The following CKAP5 variants were observed in gnomAD, a reference collection of about 807,000 sequenced individuals.
The protein encoded by CKAP5 is cytoskeleton associated protein 5.
CKAP5 carries 27 observed loss-of-function variants against 232.8 expected under a neutral mutation model. The ratio of observed to expected loss-of-function variants is 0.12; its 90% CI spans 0.09 to 0.16. CKAP5 has a LOEUF of 0.16. Among genes scored for constraint, CKAP5 ranks in the 10% least tolerant of loss-of-function variants. The pLI is 1.00. For synonymous variants in CKAP5, 785 were observed against 841.1 expected, an observed-to-expected ratio of 0.93 and a Z score of 1.16; for missense variants, 1,838 against 2,424.7, an observed-to-expected ratio of 0.76 and a Z score of 5.08.
intron 16 of CKAP5, among the ~76,000 whole-genome samples, chr11:46,788,331 T>C (rs1286265024): frequency 2.0e-5 from 3 of 152,240 alleles, no homozygotes; most frequent in Admixed American, 6.5e-5. Flanking sequence ...TCCCAGCATT[T>C]TGGGAGGCCA....
At chr11:46,751,281 T>C in intron 39 of CKAP5, 26 bp from the exon 40 acceptor site, 2 of 1,614,182 alleles carry the variant, frequency 1.2e-6, no homozygotes, top group Non-Finnish European at 1.7e-6. Context: ...GCATGACTGA[T>C]AGCACTGCCA....
intron 3 of CKAP5, among the ~76,000 whole-genome samples, 190 bp from the exon 4 acceptor site, chr11:46,816,594 G>A (rs917546392): frequency 6.6e-6 from 1 of 151,910 alleles, no homozygotes; most frequent in African/African-American, 2.4e-5. Flanking sequence ...ACATGTCATA[G>A]CAGGCATAGT....
At position 46,829,838 on chromosome 11, in the gene CKAP5, A is replaced by ATGTG. The variant is rs57602333; in HGVS notation, c.-37-8574_-37-8571dup. ...ATATGAAGTCTAATTCCTTTTTTGT[A>ATGTG]TGTGTGTGTGTGTGTGTGTGTGTGT... On this transcript the variant is annotated intron_variant, in intron 1 of 43. Coordinates refer to ENST00000529230, the MANE Select transcript of CKAP5 (RefSeq NM_001008938.4). Among the ~76,000 whole-genome samples, 792 of 143,114 alleles carry ATGTG rather than the reference A, an allele frequency of 5.5e-3. 5 individuals carry two copies. The highest frequency in any genetic ancestry group is 0.018 in the East Asian group (82 of 4,628). The allele number at this position is 143,114 out of a possible 152,430, so 93.9% of individuals were successfully genotyped here.
intron 24 of CKAP5, among the ~76,000 whole-genome samples, chr11:46,774,092 C>T (rs1200657788): frequency 6.6e-6 from 1 of 152,164 alleles, no homozygotes. Flanking sequence ...TCTCTGTTTA[C>T]AGATGAACAT....
chr11:46,831,886 A>T (rs1939802266), intron 1 of CKAP5, among the ~76,000 whole-genome samples: 1 of 125,240 alleles, frequency 8.0e-6, no homozygotes, highest in African/African-American at 3.1e-5. Context: ...TTTTTCTGAG[A>T]CAGGGTCTTG....
rs1200050358 is a variant in CKAP5, at chr11:46,779,081, AAAAC to A, written c.2434-486_2434-483del. 3.9e-5 allele frequency among the ~76,000 whole-genome samples: 6 copies of A among 152,190 alleles called. No individual in the cohort carries two copies. The East Asian group carries it at 5.8e-4, about 15-fold the overall frequency. On this transcript the variant is annotated intron_variant, in intron 20 of 43. Coordinates refer to ENST00000529230, the MANE Select transcript of CKAP5 (RefSeq NM_001008938.4). ...GGCAACAAGAGTGAAACTCCACCTC[AAAAC>A]AAACAAACAAACAAAACAACCCAAA...
intron 13 of CKAP5, among the ~76,000 whole-genome samples, chr11:46,794,670 T>TA: frequency 1.3e-5 from 2 of 151,660 alleles, no homozygotes; most frequent in East Asian, 1.9e-4. Flanking sequence ...AGGCCCTCTA[T>TA]AAAAAATTTT....
At chr11:46,820,121 A>G (rs1592480889) in intron 2 of CKAP5, among the ~76,000 whole-genome samples, 1 of 152,188 alleles carries the variant, frequency 6.6e-6, no homozygotes, top group Admixed American at 6.5e-5. Flanking sequence ...AGAATATACA[A>G]TATCTACCAA....
At chr11:46,746,326 C>T (rs1303809046) in intron 42 of CKAP5, among the ~76,000 whole-genome samples, 2 of 152,154 alleles carry the variant, frequency 1.3e-5, no homozygotes, top group African/African-American at 4.8e-5. Flanking sequence ...AGCAGTAATT[C>T]TCGAATAGGG....
chr11:46,823,263 C>T (rs1565753993), intron 1 of CKAP5, among the ~76,000 whole-genome samples: 1 of 152,140 alleles, frequency 6.6e-6, no homozygotes, highest in Non-Finnish European at 1.5e-5. Flanking sequence ...ATCTAGACAA[C>T]ACCTTTTTCT....
chr11:46,758,005 A>T (rs1592436941), intron 35 of CKAP5, among the ~76,000 whole-genome samples: 4 of 151,748 alleles, frequency 2.6e-5, no homozygotes, highest in Admixed American at 2.6e-4. Context: ...TTCCTGCCTC[A>T]GCCTCCTGAG....
intron 9 of CKAP5, among the ~76,000 whole-genome samples, chr11:46,800,920 C>T (rs1010267958): frequency 6.6e-6 from 1 of 152,024 alleles, no homozygotes; most frequent in Non-Finnish European, 1.5e-5. Context: ...AAGCAAGATA[C>T]TAGTAAGTAA....
At position 46,818,475 on chromosome 11, in the gene CKAP5, T is replaced by G. The variant is rs1039163631; in HGVS notation, c.86A>C (p.Glu29Ala). The change falls in exon 3 of 44, where the codon GAA becomes GCA. Residue 29 changes from glutamate to alanine, a missense_variant. By Grantham distance (107) the Glu-to-Ala change is moderately radical. Around this residue, in one of 6 missense-constraint regions of CKAP5, gnomAD observed 285 missense variants for 300.0 expected, o/e 0.95. Transcript: ENST00000529230. ...TTTCTGGAAGATCTTCAGGGCCTCT[T>G]CATACCCACTTAACCTTGCTTTCCA... The part of the protein sequence containing the change: ...KLWKARLSGY[E>A]EALKIFQKIK... 6.3e-7 allele frequency: 1 copy of G among 1,597,944 alleles called. No homozygotes were observed. The highest frequency in any genetic ancestry group is 8.5e-7 in the Non-Finnish European group (1 of 1,175,194).
rs774708343 is a variant in CKAP5, at chr11:46,751,492, T to C, written c.5176A>G (p.Ser1726Gly). 3 of 1,613,856 alleles carry C rather than the reference T, an allele frequency of 1.9e-6. No individual in the cohort carries two copies. The highest frequency in any genetic ancestry group is 2.5e-6 in the Non-Finnish European group (3 of 1,179,894). ...MVRLLPDTIN[S>G]INLDRILLDI... ...AGAAGAATTCTGTCTAGGTTAATGC[T>C]ATTGATGGTATCAGGCAACAGTCGA... The change falls in exon 39 of 44, where the codon AGC (serine) becomes GGC (glycine). Residue 1726 changes from serine (S) to glycine (G), a missense_variant. Physicochemically the swap from Ser to Gly is moderately conservative, Grantham distance 56. Coordinates refer to ENST00000529230, the MANE Select transcript of CKAP5 (RefSeq NM_001008938.4).
intron 1 of CKAP5, among the ~76,000 whole-genome samples, chr11:46,822,153 T>C (rs926526464): frequency 6.6e-6 from 1 of 152,034 alleles, no homozygotes; most frequent in African/African-American, 2.4e-5. Context: ...GTGGTGTGTG[T>C]GCCTGTAGTC....
intron 4 of CKAP5, among the ~76,000 whole-genome samples, chr11:46,814,615 C>T (rs6485695): frequency 0.67 from 102,406 of 151,996 alleles, 35,364 homozygotes; most frequent in Non-Finnish European, 0.77. Context: ...GGACAGGATA[C>T]CAGATTAGAA....
intron 26 of CKAP5, among the ~76,000 whole-genome samples, chr11:46,769,442 G>A (rs1162696124): frequency 6.6e-6 from 1 of 152,118 alleles, no homozygotes; most frequent in Non-Finnish European, 1.5e-5. Flanking sequence ...AAGCCTGTAA[G>A]TCCAGCACTT....
At chr11:46,767,042 T>C (rs1340246364) in intron 27 of CKAP5, among the ~76,000 whole-genome samples, 3 of 151,896 alleles carry the variant, frequency 2.0e-5, no homozygotes, top group Non-Finnish European at 2.9e-5. Flanking sequence ...TTTTTTTTTT[T>C]CCTGAGTCTC....
At chr11:46,825,686 G>C (rs771049668) in intron 1 of CKAP5, among the ~76,000 whole-genome samples, 23 of 151,568 alleles carry the variant, frequency 1.5e-4, no homozygotes, top group Non-Finnish European at 2.6e-4. Flanking sequence ...ACAGAAGTTT[G>C]AGAAAAACTT....
Sources: gnomAD v4.1 joint callset for allele counts (sites outside exome capture counted in the v4.1 genomes callset) on GRCh38, gnomAD v4.1.1 for gene constraint, gnomAD v4.1.1 regional missense constraint, MANE v1.5 for transcripts, NCBI Gene and HGNC (gene_info 2026-07-23, HGNC 2026-07-21) for gene names.